Variants in DLGAP1 observed in about 807,000 individuals in gnomAD.
DLGAP1 encodes disks large-associated protein 1.
Under a neutral mutation model 90.8 loss-of-function variants are expected in DLGAP1, and 11 were observed. The observed-to-expected ratio is 0.12, with a 90% CI of 0.08 to 0.20. DLGAP1 has a LOEUF of 0.20. Ranked by LOEUF, DLGAP1 falls within the 10% of genes least tolerant of loss-of-function variation. The pLI, the probability that DLGAP1 is intolerant of heterozygous loss-of-function variation, is 1.00. For synonymous variants in DLGAP1, 558 were observed against 540.7 expected (o/e 1.03, Z -0.44); for missense variants, 1,050 against 1,333.8 (o/e 0.79, Z 3.31).
intron 3 of DLGAP1, among the ~76,000 whole-genome samples, chr18:3,881,347 T>C (rs1418089051): frequency 1.3e-5 from 2 of 152,142 alleles, no homozygotes; most frequent in Non-Finnish European, 1.5e-5. Context: ...ACATGTTAAT[T>C]GTTAAAGATA....
Position 3,873,167 on chromosome 18 carries a change from C to T in DLGAP1, c.957+5945G>A, listed in dbSNP as rs566392311. 5.9e-3 allele frequency among the ~76,000 whole-genome samples: 888 copies of T among 151,724 alleles called. 7 individuals carry two copies. Among genetic ancestry groups the T allele is most frequent in the African/African-American group, 0.02 (848 of 41,396 alleles). ...CACAATGTTTTGTCAATTTTTTTTT[C>T]CCTTTATTAATTGGACCTGACAATA... On this transcript the variant is annotated intron_variant, in intron 4 of 12. Coordinates refer to ENST00000315677, the MANE Select transcript of DLGAP1 (RefSeq NM_004746.4).
intron 7 of DLGAP1, among the ~76,000 whole-genome samples, chr18:3,686,810 C>T (rs1307403117): frequency 6.6e-6 from 1 of 152,094 alleles, no homozygotes; most frequent in Non-Finnish European, 1.5e-5. Flanking sequence ...GAATAATGCC[C>T]CTCCCCCAGA....
At chr18:4,438,695 G>A (rs1366824024) in intron 1 of DLGAP1, among the ~76,000 whole-genome samples, 2 of 150,140 alleles carry the variant, frequency 1.3e-5, no homozygotes, top group Non-Finnish European at 3.0e-5. Context: ...AAACACACTC[G>A]AACCTCCTTG....
chr18:3,518,765 A>G (rs1176768918), intron 10 of DLGAP1, among the ~76,000 whole-genome samples: 1 of 152,184 alleles, frequency 6.6e-6, no homozygotes, highest in East Asian at 1.9e-4. Context: ...GTGAGAATGC[A>G]GTAGGAATTC....
intron 7 of DLGAP1, chr18:3,607,925 A>C (rs76005437): frequency 0.021 from 3,152 of 152,292 alleles, 34 homozygotes; most frequent in Middle Eastern, 0.061. Flanking sequence ...TTACCTCACT[A>C]TTTAAAGCCA....
intron 1 of DLGAP1, among the ~76,000 whole-genome samples, chr18:4,213,111 T>G (rs192395082): frequency 6.6e-6 from 1 of 152,284 alleles, no homozygotes; most frequent in African/African-American, 2.4e-5. Context: ...AATTAGACTT[T>G]GAAGGTATAA....
intron 1 of DLGAP1, among the ~76,000 whole-genome samples, chr18:4,429,715 G>A (rs905672699): frequency 2.6e-5 from 4 of 151,834 alleles, no homozygotes; most frequent in East Asian, 1.9e-4. Flanking sequence ...CCTCTTGCAC[G>A]TATTTATCAT....
intron 1 of DLGAP1, among the ~76,000 whole-genome samples, chr18:4,201,894 C>A (rs1327906452): frequency 6.6e-6 from 1 of 152,002 alleles, no homozygotes; most frequent in African/African-American, 2.4e-5. Flanking sequence ...ATTAGTACAA[C>A]CTCTAAGGAA....
At chr18:3,767,571 G>A (rs534442992) in intron 5 of DLGAP1, among the ~76,000 whole-genome samples, 104 of 152,012 alleles carry the variant, frequency 6.8e-4, no homozygotes, top group Middle Eastern at 6.8e-3. Context: ...AATTTACTCC[G>A]CTTGGATGGG....
intron 3 of DLGAP1, among the ~76,000 whole-genome samples, chr18:3,971,738 G>C (rs1187482000): frequency 2.0e-5 from 3 of 152,174 alleles, no homozygotes; most frequent in African/African-American, 7.2e-5. Context: ...GTTTTGAAGA[G>C]TCACAGGGCA....
intron 10 of DLGAP1, among the ~76,000 whole-genome samples, chr18:3,524,524 C>A (rs1476849678): frequency 6.6e-6 from 1 of 152,134 alleles, no homozygotes; most frequent in South Asian, 2.1e-4. Flanking sequence ...ATAATAGTCA[C>A]CAACTTACTT....
At chr18:4,014,041 C>T (rs770634809) in intron 2 of DLGAP1, 2 of 150,186 alleles carry the variant, frequency 1.3e-5, no homozygotes, top group Admixed American at 1.3e-4. Flanking sequence ...ATTTCAGGAG[C>T]ATGTTTGTTC....
intron 5 of DLGAP1, among the ~76,000 whole-genome samples, chr18:3,792,493 G>A (rs2065784635): frequency 6.6e-6 from 1 of 151,946 alleles, no homozygotes; most frequent in African/African-American, 2.4e-5. Flanking sequence ...ATATTATGAT[G>A]GGACATCTGC....
intron 1 of DLGAP1, among the ~76,000 whole-genome samples, chr18:4,413,844 T>C (rs77095509): frequency 2.6e-5 from 4 of 152,232 alleles, no homozygotes; most frequent in Non-Finnish European, 5.9e-5. Flanking sequence ...TGGGCCATCA[T>C]GATTACAGCA....
At chr18:4,010,886 A>C (rs918327940) in intron 2 of DLGAP1, among the ~76,000 whole-genome samples, 2 of 149,962 alleles carry the variant, frequency 1.3e-5, no homozygotes, top group Non-Finnish European at 3.0e-5. Flanking sequence ...AAAAAAAAAA[A>C]TCCCTCCGGC....
chr18:4,447,581 A>T (rs1331514369), intron 1 of DLGAP1, among the ~76,000 whole-genome samples: 2 of 152,114 alleles, frequency 1.3e-5, no homozygotes, highest in Admixed American at 1.3e-4. Flanking sequence ...GATTTATTTC[A>T]CCATCTGGGT....
At chr18:4,148,559 T>C (rs2076623661) in intron 2 of DLGAP1, among the ~76,000 whole-genome samples, 2 of 152,142 alleles carry the variant, frequency 1.3e-5, no homozygotes, top group African/African-American at 4.8e-5. Context: ...ATGTCCAGCC[T>C]CAAATGAACT....
chr18:3,625,420 G>C (rs1046225009), intron 7 of DLGAP1, among the ~76,000 whole-genome samples: 5 of 152,162 alleles, frequency 3.3e-5, no homozygotes, highest in African/African-American at 1.2e-4. Context: ...TGTGTGTGAA[G>C]TTCTTCAAGG....
At chr18:4,125,224 A>G (rs868482888) in intron 2 of DLGAP1, among the ~76,000 whole-genome samples, 4 of 152,348 alleles carry the variant, frequency 2.6e-5, no homozygotes, top group South Asian at 2.1e-4. Flanking sequence ...TAAATGGACA[A>G]TTACAATACA....
Sources: gnomAD v4.1 joint callset for allele counts (sites outside exome capture counted in the v4.1 genomes callset) on GRCh38, gnomAD v4.1.1 for gene constraint, MANE v1.5 for transcripts, NCBI Gene and HGNC (gene_info 2026-07-23, HGNC 2026-07-21) for gene names.